PPP6R3: variants seen among roughly 807,000 people sequenced by gnomAD.
PPP6R3 encodes the protein protein phosphatase 6 regulatory subunit 3.
PPP6R3 carries 38 observed loss-of-function variants against 110.7 expected under a neutral mutation model. The ratio of observed to expected loss-of-function variants is 0.34; its 90% CI spans 0.26 to 0.45. The LOEUF (loss-of-function observed/expected upper bound fraction) is 0.45. Ranked by LOEUF, PPP6R3 falls within the 20% of genes least tolerant of loss-of-function variation. PPP6R3 has a pLI of 1.00. For missense variants in PPP6R3, 870 were observed against 1,062.4 expected (o/e 0.82, Z 2.52); for synonymous variants, 369 against 373.5 (o/e 0.99, Z 0.14).
At position 68,547,867 on chromosome 11, in the gene PPP6R3, A is replaced by AT. The variant is rs544849930; in HGVS notation, c.415-193dup. 7.9e-3 allele frequency among the ~76,000 whole-genome samples: 1,204 copies of AT among 152,152 alleles called. 16 individuals carry two copies. Among genetic ancestry groups the AT allele is most frequent in the African/African-American group, 0.028 (1,158 of 41,498 alleles). On this transcript the variant is annotated intron_variant, in intron 4 of 23. Transcript: ENST00000393800. ...ATTAATGGACGTGCTAATTTAGGGG[A>AT]TTTTTTTCCAAGGGGTATTTTGAGT...
At chr11:68,558,707 G>GGTTCATTTTGT in intron 8 of PPP6R3, 28 bp downstream of exon 8, 1 of 1,514,500 alleles carries the variant, frequency 6.6e-7, no homozygotes, top group Non-Finnish European at 9.1e-7. Flanking sequence ...CTTACAAAAT[G>GGTTCATTTTGT]AACCATGTTG....
At chr11:68,578,890 TG>T (rs1438104813) in intron 14 of PPP6R3, among the ~76,000 whole-genome samples, 1 of 152,360 alleles carries the variant, frequency 6.6e-6, no homozygotes, top group South Asian at 2.1e-4. Context: ...AAGACCTCTG[TG>T]TTTTGACCAA....
chr11:68,527,620 G>T (rs1284728131), intron 2 of PPP6R3, among the ~76,000 whole-genome samples: 8 of 648 alleles, frequency 0.012, no homozygotes, highest in African/African-American at 0.017. Flanking sequence ...CTTTTGTTCA[G>T]AATTGTTCTA....
Position 68,489,193 on chromosome 11 carries a change from G to C in PPP6R3, c.-158+28366G>C, listed in dbSNP as rs377473106. ...GCCACCACGCCCGGCTAATTTTTTT[G>C]TATTTTTAGTAGAGACGGGGTTTCA... is the stretch of plus-strand genomic sequence containing the variant. On this transcript the variant is annotated intron_variant, in intron 1 of 23. Coordinates refer to ENST00000393800, the MANE Select transcript of PPP6R3 (RefSeq NM_001164161.2). Among the ~76,000 whole-genome samples, 4 of 151,814 alleles carry C rather than the reference G, an allele frequency of 2.6e-5. No individual in the cohort carries two copies. The East Asian group carries it at 5.8e-4, about 22-fold the overall frequency.
intron 1 of PPP6R3, among the ~76,000 whole-genome samples, chr11:68,516,137 A>G (rs1001745909): frequency 6.6e-6 from 1 of 152,170 alleles, no homozygotes; most frequent in African/African-American, 2.4e-5. Flanking sequence ...TTTATGGTTC[A>G]TCTACATTGT....
chr11:68,482,274 C>G (rs946265793), intron 1 of PPP6R3, among the ~76,000 whole-genome samples: 2 of 147,482 alleles, frequency 1.4e-5, no homozygotes, highest in Non-Finnish European at 3.0e-5. Flanking sequence ...ATTAGCTGAA[C>G]GTGGTGGCGG....
In PPP6R3 at chr11:68,544,880, C is replaced by G. The variant is rs774145183; in HGVS notation, c.270C>G (p.Ser90=). 1.2e-6 allele frequency: 2 copies of G among 1,607,946 alleles called. No individual in the cohort carries two copies. Among genetic ancestry groups the G allele is most frequent in the East Asian group, 4.5e-5 (2 of 44,832 alleles). ...ISCELLTSDV[S]QMNDRLGEDE... ...GTGAGTTGCTCACTTCTGATGTCTC[C>G]CAGATGAATGATAGACTGGGAGAAG... The change falls in exon 4 of 24, where the codon TCC becomes TCG. Residue 90 remains serine (S), a synonymous_variant. Transcript: ENST00000393800.
intron 15 of PPP6R3, among the ~76,000 whole-genome samples, chr11:68,583,393 A>C (rs558829629): frequency 6.6e-6 from 1 of 152,372 alleles, no homozygotes; most frequent in Non-Finnish European, 1.5e-5. Flanking sequence ...CTGAATAGTT[A>C]AGAAGGCATC....
intron 1 of PPP6R3, among the ~76,000 whole-genome samples, chr11:68,467,884 C>G (rs943657382): frequency 2.0e-5 from 3 of 152,354 alleles, no homozygotes; most frequent in Middle Eastern, 3.4e-3. Flanking sequence ...AAGCGATTCT[C>G]CTGCCTCAGC....
At chr11:68,552,973 C>T (rs1309783022) in intron 6 of PPP6R3, among the ~76,000 whole-genome samples, 1 of 152,216 alleles carries the variant, frequency 6.6e-6, no homozygotes, top group Admixed American at 6.5e-5. Flanking sequence ...GTTGACACTT[C>T]TGTTTTGTAT....
chr11:68,571,270 A>T, intron 12 of PPP6R3, 166 bp downstream of exon 12: 1 of 1,020,606 alleles, frequency 9.8e-7, no homozygotes, highest in Non-Finnish European at 1.3e-6. Flanking sequence ...TGTTTTTATA[A>T]TACTAATAAT....
chr11:68,572,667 T>C (rs568283712), intron 12 of PPP6R3, among the ~76,000 whole-genome samples: 2 of 152,064 alleles, frequency 1.3e-5, no homozygotes, highest in South Asian at 4.2e-4. Flanking sequence ...CTGGACAACA[T>C]AGGGAGATCC....
chr11:68,516,539 G>C (rs1161580101), intron 1 of PPP6R3, among the ~76,000 whole-genome samples: 1 of 152,164 alleles, frequency 6.6e-6, no homozygotes, highest in Non-Finnish European at 1.5e-5. Context: ...CTGGTCTCAA[G>C]CATTTTGGAC....
rs1032020631 is a variant in PPP6R3 at position 68,567,227 on chromosome 11, C to G, written c.1128+61C>G. ...CCATTGATATTTCATGGATATTTAA[C>G]CAAGTTACAACCTTACAAATTTACA... is the stretch of plus-strand genomic sequence containing the variant. On this transcript the variant is annotated intron_variant, in intron 10 of 23. Coordinates refer to ENST00000393800, the MANE Select transcript of PPP6R3 (RefSeq NM_001164161.2). The G allele has an allele frequency of 6.3e-5, 92 of 1,450,902 alleles. 1 individual carries two copies. The highest frequency in any genetic ancestry group is 5.1e-4 in the South Asian group (35 of 68,912). The allele number at this position is 1,450,902 out of a possible 1,614,324, so 89.9% of individuals were successfully genotyped here. A position where few individuals can be genotyped will look rare whatever the true frequency, so the allele number is the denominator to read the frequency against.
chr11:68,558,511 A>C, intron 7 of PPP6R3, 55 bp from the exon 8 acceptor site: 1 of 1,094,018 alleles, frequency 9.1e-7, no homozygotes, highest in Non-Finnish European at 1.4e-6. Context: ...TTTTTTTCTG[A>C]GGTTGTTGGT....
chr11:68,612,679 T>C (rs774052381), intron 23 of PPP6R3, among the ~76,000 whole-genome samples: 1 of 152,028 alleles, frequency 6.6e-6, no homozygotes, highest in Non-Finnish European at 1.5e-5. Context: ...GTATGTGGAT[T>C]CCAATCTGTG....
intron 18 of PPP6R3, among the ~76,000 whole-genome samples, chr11:68,595,200 A>ATTTTTTTTTTT (rs71043443): frequency 3.7e-5 from 3 of 81,176 alleles, no homozygotes; most frequent in Non-Finnish European, 5.1e-5. Context: ...CATAAAAATA[A>ATTTTTTTTTTT]TTTTTTTTTT....
Position 68,590,709 on chromosome 11 carries a change from G to A in PPP6R3, c.1780G>A (p.Glu594Lys), listed in dbSNP as rs1469771312. The A allele has an allele frequency of 1.3e-6, 2 of 1,591,852 alleles. No individual in the cohort carries two copies. Among genetic ancestry groups the A allele is most frequent in the South Asian group, 1.1e-5 (1 of 88,264 alleles). ...SDINFTLNTN[E>K]SGNIALFEAC... ...CATCAACTTTACTCTCAATACAAAT[G>A]AAAGTGTAAGTATAAACTCTGTTGT... is the stretch of plus-strand genomic sequence containing the variant. Residue 594 changes from glutamate (E) to lysine (K), a missense_variant, in exon 17 of 24, where the codon GAA (glutamate) becomes AAA (lysine). By Grantham distance (56) the Glu-to-Lys change is moderately conservative. Coordinates refer to ENST00000393800, the MANE Select transcript of PPP6R3 (RefSeq NM_001164161.2).
chr11:68,502,304 T>C lies in PPP6R3; in HGVS notation c.-157-17197T>C, dbSNP rs768988639. Among the ~76,000 whole-genome samples the C allele has an allele frequency of 2.8e-4, 43 of 152,224 alleles. 1 individual carries two copies. The highest frequency in any genetic ancestry group is 1.3e-4 in the Non-Finnish European group (9 of 68,046). ...GATGTTTTCACATTTTTATACTAAATCTTTGAAATCCATTGCATATTTTAT... is the reference window on the plus strand; with the variant it reads ...GATGTTTTCACATTTTTATACTAAACCTTTGAAATCCATTGCATATTTTAT... On this transcript the variant is annotated intron_variant, in intron 1 of 23. Coordinates refer to ENST00000393800, the MANE Select transcript of PPP6R3 (RefSeq NM_001164161.2).
Sources: gnomAD v4.1 joint callset for allele counts (sites outside exome capture counted in the v4.1 genomes callset) on GRCh38, gnomAD v4.1.1 for gene constraint, MANE v1.5 for transcripts, NCBI Gene and HGNC (gene_info 2026-07-23, HGNC 2026-07-21) for gene names.